Variants in TSHZ2 observed in about 807,000 individuals in gnomAD.
TSHZ2 encodes teashirt zinc finger homeobox 2.
TSHZ2 carries 21 observed loss-of-function variants against 74.4 expected under a neutral mutation model. That is an observed-to-expected ratio of 0.28 (90% CI 0.20 to 0.41). The LOEUF is 0.41. TSHZ2 is among the 10% of genes least tolerant of loss of function. The pLI, the probability that TSHZ2 is intolerant of heterozygous loss-of-function variation, is 1.00. For missense variants in TSHZ2, 1,244 were observed against 1,293.5 expected, an observed-to-expected ratio of 0.96 and a Z score of 0.59; for synonymous variants, 540 against 515.3, an observed-to-expected ratio of 1.05 and a Z score of -0.65.
At chr20:53,277,608 C>T (rs1911876529) in intron 2 of TSHZ2, among the ~76,000 whole-genome samples, 1 of 152,180 alleles carries the variant, frequency 6.6e-6, no homozygotes, top group Admixed American at 6.5e-5. Flanking sequence ...ATCTCATTCT[C>T]AGGCAAATGG....
chr20:53,390,289 G>A (rs949657631), intron 2 of TSHZ2, among the ~76,000 whole-genome samples: 8 of 152,130 alleles, frequency 5.3e-5, no homozygotes, highest in South Asian at 2.1e-4. Context: ...TGGATGTCTC[G>A]CAGGGCCAGG....
At chr20:53,372,764 G>A (rs1174013340) in intron 2 of TSHZ2, among the ~76,000 whole-genome samples, 1 of 152,026 alleles carries the variant, frequency 6.6e-6, no homozygotes, top group Non-Finnish European at 1.5e-5. Context: ...GGTTTAGGGA[G>A]GAAAAAAGGC....
chr20:53,024,655 C>A (rs958664590), intron 1 of TSHZ2, among the ~76,000 whole-genome samples: 4 of 152,030 alleles, frequency 2.6e-5, no homozygotes, highest in Non-Finnish European at 5.9e-5. Flanking sequence ...TAGCCCCCCA[C>A]CCACCAACAG....
intron 2 of TSHZ2, among the ~76,000 whole-genome samples, chr20:53,370,480 G>T (rs1160895010): frequency 6.6e-6 from 1 of 152,178 alleles, no homozygotes; most frequent in African/African-American, 2.4e-5. Context: ...ACTAAACAAG[G>T]CCAGGCATTG....
At chr20:53,457,752 A>C (rs1219322946) in intron 2 of TSHZ2, among the ~76,000 whole-genome samples, 1 of 151,678 alleles carries the variant, frequency 6.6e-6, no homozygotes, top group African/African-American at 2.4e-5. Flanking sequence ...TAATTTATTG[A>C]GAGTTTTTAG....
At chr20:53,436,702 C>T (rs914539128) in intron 2 of TSHZ2, among the ~76,000 whole-genome samples, 9 of 151,500 alleles carry the variant, frequency 5.9e-5, no homozygotes, top group South Asian at 2.1e-4. Flanking sequence ...TCTTCCACCA[C>T]GTCCGGCTAA....
rs369341052 is a variant in TSHZ2 at position 53,238,488 on chromosome 20, G to T, written c.41-15011G>T. On this transcript the variant is annotated intron_variant, in intron 1 of 2. Coordinates refer to ENST00000371497, the MANE Select transcript of TSHZ2 (RefSeq NM_173485.6). Reference sequence around the variant, plus strand: ...TTCACATTCCATGGAGCAAGAGTTTGGTTGGCCAAGCTGGTGTTCTGTGCC... The same window carrying T: ...TTCACATTCCATGGAGCAAGAGTTTTGTTGGCCAAGCTGGTGTTCTGTGCC... Among the ~76,000 whole-genome samples, 43 of 152,172 alleles carry T rather than the reference G, an allele frequency of 2.8e-4. No homozygotes were observed. The South Asian group carries it at 8.9e-3, about 32-fold the overall frequency.
intron 2 of TSHZ2, among the ~76,000 whole-genome samples, chr20:53,317,520 A>C (rs1979074190): frequency 6.6e-6 from 1 of 152,186 alleles, no homozygotes; most frequent in Non-Finnish European, 1.5e-5. Context: ...CCCCCACCCC[A>C]GAAGCAAGTT....
intron 2 of TSHZ2, among the ~76,000 whole-genome samples, chr20:53,275,601 T>G (rs1353481472): frequency 6.6e-6 from 1 of 152,136 alleles, no homozygotes; most frequent in Non-Finnish European, 1.5e-5. Flanking sequence ...GGGTGGAAGT[T>G]TGTTGACACT....
chr20:53,043,730 C>A (rs747916417), intron 1 of TSHZ2, among the ~76,000 whole-genome samples: 1 of 151,854 alleles, frequency 6.6e-6, no homozygotes, highest in African/African-American at 2.4e-5. Context: ...ATATATTTAT[C>A]TTTCAGTCTC....
At chr20:52,977,421 T>TACACAC (rs36230826) in intron 1 of TSHZ2, among the ~76,000 whole-genome samples, 52 of 141,484 alleles carry the variant, frequency 3.7e-4, no homozygotes, top group African/African-American at 1.0e-3. Context: ...AATGGAAAAA[T>TACACAC]ACACACACAC....
intron 1 of TSHZ2, among the ~76,000 whole-genome samples, chr20:53,132,481 T>C (rs1987130941): frequency 6.6e-6 from 1 of 152,150 alleles, no homozygotes; most frequent in Non-Finnish European, 1.5e-5. Context: ...GGTTTCCCTA[T>C]GTTGGCCAGG....
intron 1 of TSHZ2, among the ~76,000 whole-genome samples, chr20:53,208,942 ATTGCTTACTCTTTCCTAAGAGCT>A (rs1480621511): frequency 6.6e-6 from 1 of 152,070 alleles, no homozygotes. Context: ...CCAAGTATGC[ATTGCTTACTCTTTCCTAAGAGCT>A]TTGCCTCTAC....
chr20:53,176,928 AC>A (rs1435565295), intron 1 of TSHZ2, among the ~76,000 whole-genome samples: 1 of 151,786 alleles, frequency 6.6e-6, no homozygotes, highest in African/African-American at 2.4e-5. Context: ...CTTGTGATCC[AC>A]CCGCTTCGGC....
At chr20:52,981,226 C>T (rs975814280) in intron 1 of TSHZ2, among the ~76,000 whole-genome samples, 4 of 152,186 alleles carry the variant, frequency 2.6e-5, no homozygotes, top group African/African-American at 4.8e-5. Flanking sequence ...CCTTGCCCCA[C>T]GCTAGTTATT....
chr20:53,360,721 T>C (rs1242372323), intron 2 of TSHZ2, among the ~76,000 whole-genome samples: 1 of 152,192 alleles, frequency 6.6e-6, no homozygotes, highest in African/African-American at 2.4e-5. Flanking sequence ...ATTTTTCAGA[T>C]GGGGAAACCA....
At chr20:53,032,856 C>T (rs186977246) in intron 1 of TSHZ2, among the ~76,000 whole-genome samples, 2 of 152,260 alleles carry the variant, frequency 1.3e-5, no homozygotes, top group East Asian at 3.9e-4. Flanking sequence ...TTACCACACT[C>T]CCATCATTGC....
chr20:53,207,404 G>A (rs1052514527), intron 1 of TSHZ2, among the ~76,000 whole-genome samples: 2 of 152,160 alleles, frequency 1.3e-5, no homozygotes, highest in Non-Finnish European at 2.9e-5. Flanking sequence ...TCTCCAATCA[G>A]GTGTGTTCTG....
intron 1 of TSHZ2, among the ~76,000 whole-genome samples, chr20:53,126,101 C>T (rs1044313008): frequency 6.6e-6 from 1 of 152,226 alleles, no homozygotes; most frequent in African/African-American, 2.4e-5. Flanking sequence ...GGCCAGGAAC[C>T]TCTGTGCCTA....
Sources: gnomAD v4.1 joint callset for allele counts (sites outside exome capture counted in the v4.1 genomes callset) on GRCh38, gnomAD v4.1.1 for gene constraint, MANE v1.5 for transcripts, NCBI Gene and HGNC (gene_info 2026-07-23, HGNC 2026-07-21) for gene names.